The following SLCO3A1 variants were observed in gnomAD, a reference collection of about 807,000 sequenced individuals.
The protein encoded by SLCO3A1 is solute carrier organic anion transporter family member 3A1, also known as PGE1 transporter.
Under a neutral mutation model 63.1 loss-of-function variants are expected in SLCO3A1, and 27 were observed. The ratio of observed to expected loss-of-function variants is 0.43; its 90% CI spans 0.32 to 0.59. The LOEUF (loss-of-function observed/expected upper bound fraction) is 0.59, where lower values mean the gene tolerates loss of function less well. SLCO3A1 is among the 20% of genes least tolerant of loss of function. The pLI, the probability that SLCO3A1 is intolerant of heterozygous loss-of-function variation, is 0.09. For missense variants in SLCO3A1, 773 were observed against 945.8 expected (o/e 0.82, Z 2.40); for synonymous variants, 473 against 409.9 (o/e 1.15, Z -1.86).
downstream of SLCO3A1, chr15:92,166,035 TG>T (rs2048491079): frequency 2.6e-6 from 1 of 378,216 alleles, no homozygotes; most frequent in Non-Finnish European, 3.6e-6. Context: ...AAAGAAGGTT[TG>T]GGTTTTGTTT....
intron 2 of SLCO3A1, among the ~76,000 whole-genome samples, chr15:91,959,924 G>C (rs576307834): frequency 1.2e-4 from 19 of 152,134 alleles, no homozygotes; most frequent in African/African-American, 3.6e-4. Context: ...TTTACTTTCT[G>C]TGTCTATTTG....
intron 2 of SLCO3A1, among the ~76,000 whole-genome samples, chr15:91,932,471 G>C (rs1899270172): frequency 6.6e-6 from 1 of 151,520 alleles, no homozygotes; most frequent in African/African-American, 2.4e-5. Context: ...TTTGAGACAG[G>C]GTCTTGCTCT....
chr15:92,085,111 T>C (rs1182155892), intron 2 of SLCO3A1, among the ~76,000 whole-genome samples: 3 of 152,226 alleles, frequency 2.0e-5, no homozygotes, highest in Non-Finnish European at 2.9e-5. Flanking sequence ...CAAACCAGCA[T>C]AGAGAGGCTG....
At position 91,865,059 on chromosome 15, in the gene SLCO3A1, G is replaced by A. The variant is rs535446785; in HGVS notation, c.180+10971G>A. 2.2e-4 allele frequency among the ~76,000 whole-genome samples: 34 copies of A among 152,304 alleles called. 1 individual carries two copies. Among genetic ancestry groups the A allele is most frequent in the Admixed American group, 1.9e-3 (29 of 15,296 alleles). On this transcript the variant is annotated intron_variant, in intron 1 of 9. Coordinates refer to ENST00000318445, the MANE Select transcript of SLCO3A1 (RefSeq NM_013272.4). This position sits in a 1 kb window ranked among gnomAD's most constrained non-coding sequence, Gnocchi z 4.6. The stretch of plus-strand genomic sequence containing the variant: ...CTGCCCCCTCCGTGGTTGGCCACCC[G>A]CTGTCCCTATCCAGTGGATAATGGA...
intron 2 of SLCO3A1, among the ~76,000 whole-genome samples, chr15:92,057,936 A>G (rs908653): frequency 0.65 from 99,512 of 152,068 alleles, 33,185 homozygotes; most frequent in Admixed American, 0.79. Flanking sequence ...CAGTGTTCAA[A>G]GCTAATGGCA....
intron 2 of SLCO3A1, among the ~76,000 whole-genome samples, chr15:91,926,833 C>T (rs1899048423): frequency 6.6e-6 from 1 of 151,986 alleles, no homozygotes; most frequent in Non-Finnish European, 1.5e-5. Context: ...TGGAGATTTA[C>T]GTGTATATGT....
Position 92,008,045 on chromosome 15 carries a change from C to T in SLCO3A1, c.647-86836C>T, listed in dbSNP as rs576723405. On this transcript the variant is annotated intron_variant, in intron 2 of 9. Coordinates refer to ENST00000318445, the MANE Select transcript of SLCO3A1 (RefSeq NM_013272.4). ...GTTGCCTTTTCTAAAGAAGTCGGCT[C>T]GGTAAACAGGAGGACCCAATCACAG... 2.6e-5 allele frequency among the ~76,000 whole-genome samples: 4 copies of T among 152,260 alleles called. No homozygotes were observed. The South Asian group carries it at 6.2e-4, about 24-fold the overall frequency.
At chr15:91,984,090 G>A (rs953093746) in intron 2 of SLCO3A1, among the ~76,000 whole-genome samples, 1 of 152,176 alleles carries the variant, frequency 6.6e-6, no homozygotes, top group Admixed American at 6.5e-5. Context: ...GGGCCACCAG[G>A]TCAGATTTGC....
chr15:91,899,763 G>A (rs1898105527), intron 1 of SLCO3A1, among the ~76,000 whole-genome samples: 1 of 152,182 alleles, frequency 6.6e-6, no homozygotes, highest in Non-Finnish European at 1.5e-5. Flanking sequence ...GTTGTGGTAA[G>A]TTCCTGCCCC....
In SLCO3A1 at chr15:91,860,519, C is replaced by A. The variant is rs370267150; in HGVS notation, c.180+6431C>A. Among the ~76,000 whole-genome samples the A allele has an allele frequency of 6.6e-6, 1 of 152,156 alleles. No homozygotes were observed. Among genetic ancestry groups the A allele is most frequent in the African/African-American group, 2.4e-5 (1 of 41,420 alleles). ...GTTGACATTAGCACCAACAAAAGTCCCTCCCAGGGAGCTGAGGATTTGGAA... is the reference window on the plus strand; with the variant it reads ...GTTGACATTAGCACCAACAAAAGTCACTCCCAGGGAGCTGAGGATTTGGAA... On this transcript the variant is annotated intron_variant, in intron 1 of 9. Transcript: ENST00000318445. This position sits in a 1 kb window ranked among gnomAD's most constrained non-coding sequence, Gnocchi z 5.5.
intron 1 of SLCO3A1, among the ~76,000 whole-genome samples, chr15:91,874,418 C>T (rs1897349201): frequency 6.6e-6 from 1 of 152,180 alleles, no homozygotes; most frequent in South Asian, 2.1e-4. Flanking sequence ...CTGCCCACTC[C>T]CCTTCCCCCA....
At chr15:91,992,521 G>T (rs1242777034) in intron 2 of SLCO3A1, among the ~76,000 whole-genome samples, 1 of 152,218 alleles carries the variant, frequency 6.6e-6, no homozygotes, top group Non-Finnish European at 1.5e-5. Context: ...CGGGAAGCCA[G>T]TGATCCTTCT....
chr15:91,918,281 G>A (rs534394465), intron 2 of SLCO3A1, among the ~76,000 whole-genome samples: 1 of 152,346 alleles, frequency 6.6e-6, no homozygotes, highest in East Asian at 1.9e-4. Context: ...GGCCTTGTCT[G>A]TGGGATTTGC....
intron 4 of SLCO3A1, among the ~76,000 whole-genome samples, chr15:92,106,484 T>C (rs1324098774): frequency 3.3e-5 from 5 of 152,214 alleles, no homozygotes; most frequent in Non-Finnish European, 7.4e-5. Flanking sequence ...ACTAGACCCC[T>C]AGGAATAAAT....
downstream of SLCO3A1, among the ~76,000 whole-genome samples, chr15:92,170,293 C>G (rs912857153): frequency 6.6e-6 from 1 of 152,178 alleles, no homozygotes; most frequent in Non-Finnish European, 1.5e-5. Context: ...CCATCCAGCA[C>G]TGTAAGGGAG....
intron 2 of SLCO3A1, among the ~76,000 whole-genome samples, chr15:91,987,477 C>T (rs2046068675): frequency 6.6e-6 from 1 of 152,150 alleles, no homozygotes; most frequent in Non-Finnish European, 1.5e-5. Context: ...CACAGTGGCT[C>T]ATGCCTGTAA....
At chr15:91,972,596 A>G (rs75262124) in intron 2 of SLCO3A1, among the ~76,000 whole-genome samples, 4,968 of 152,278 alleles carry the variant, frequency 0.033, 176 homozygotes, top group African/African-American at 0.081. Context: ...GTATTGTTAC[A>G]GGACCTCAAA....
chr15:92,097,572 C>T (rs1368806129), intron 3 of SLCO3A1, among the ~76,000 whole-genome samples: 3 of 152,218 alleles, frequency 2.0e-5, no homozygotes, highest in African/African-American at 7.2e-5. Context: ...TACTTGGTGC[C>T]TGCATGGATG....
intron 4 of SLCO3A1, among the ~76,000 whole-genome samples, chr15:92,107,742 A>G (rs985065298): frequency 6.6e-5 from 10 of 152,200 alleles, no homozygotes; most frequent in Admixed American, 3.9e-4. Flanking sequence ...TGCCAGGAAG[A>G]GCCCTTCCAG....
Sources: gnomAD v4.1 joint callset for allele counts (sites outside exome capture counted in the v4.1 genomes callset) on GRCh38, gnomAD v4.1.1 for gene constraint, Gnocchi (gnomAD v3.1) non-coding constraint, MANE v1.5 for transcripts, NCBI Gene and HGNC (gene_info 2026-07-23, HGNC 2026-07-21) for gene names.